Variants in P2RX3 observed in about 807,000 individuals in gnomAD.
The protein encoded by P2RX3 is purinergic receptor P2X 3.
P2RX3 carries 41 observed loss-of-function variants against 51.5 expected under a neutral mutation model. The observed-to-expected ratio is 0.80, with a 90% CI of 0.62 to 1.03. The LOEUF (loss-of-function observed/expected upper bound fraction) is 1.03. P2RX3 is among the 50% of genes least tolerant of loss of function. The probability of loss-of-function intolerance (pLI) is 0.00; values close to 1 mark genes in which losing one functional copy is unlikely to be tolerated. For missense variants in P2RX3, 459 were observed against 522.1 expected (o/e 0.88, Z 1.18); for synonymous variants, 185 against 191.6 (o/e 0.97, Z 0.29).
intron 6 of P2RX3, among the ~76,000 whole-genome samples, chr11:57,349,317 T>C (rs1337169761): frequency 7.0e-6 from 1 of 143,328 alleles, no homozygotes; most frequent in East Asian, 2.0e-4. Flanking sequence ...AAAAAAAAAA[T>C]TAGCCAGGCG....
chr11:57,341,394 C>A (rs1213047704), intron 1 of P2RX3, among the ~76,000 whole-genome samples: 1 of 152,178 alleles, frequency 6.6e-6, no homozygotes, highest in Non-Finnish European at 1.5e-5. Context: ...TCTCTGAGAA[C>A]TTCTCAGCAA....
rs1285284514 is a variant in P2RX3 at position 57,347,455 on chromosome 11, G to A, written c.368G>A (p.Gly123Glu). 1.9e-6 allele frequency: 3 copies of A among 1,558,530 alleles called. No homozygotes were observed. Among genetic ancestry groups the A allele is most frequent in the Non-Finnish European group, 2.6e-6 (3 of 1,150,812 alleles). The part of the protein sequence containing the change: ...KYRCVSDSQC[G>E]PERLPGGGIL... Reference sequence around the variant, plus strand: ...CGCTGTGTATCAGACAGCCAGTGCGGGCCTGAGCGCTTGCCAGGTGGGGGT... The same window carrying A: ...CGCTGTGTATCAGACAGCCAGTGCGAGCCTGAGCGCTTGCCAGGTGGGGGT... Residue 123 changes from glycine to glutamate, a missense_variant, in exon 4 of 12, where the codon GGG (glycine) becomes GAG (glutamate). By Grantham distance (98) the Gly-to-Glu change is moderately conservative. Coordinates refer to ENST00000263314, the MANE Select transcript of P2RX3 (RefSeq NM_002559.5).
chr11:57,360,009 T>A (rs942370448), intron 8 of P2RX3, among the ~76,000 whole-genome samples: 4 of 152,184 alleles, frequency 2.6e-5, no homozygotes, highest in Admixed American at 6.5e-5. Context: ...GAGAGGTAAT[T>A]CACCCAAGGT....
intron 8 of P2RX3, 92 bp downstream of exon 8, chr11:57,350,990 C>G (rs1856537963): frequency 1.3e-6 from 2 of 1,561,464 alleles, no homozygotes; most frequent in South Asian, 2.3e-5. Flanking sequence ...CATCCATCCA[C>G]CCACCCCTGG....
At chr11:57,346,706 T>A (rs1329134764) in intron 2 of P2RX3, 27 bp downstream of exon 2, 1 of 1,611,154 alleles carries the variant, frequency 6.2e-7, no homozygotes, top group East Asian at 2.2e-5. Flanking sequence ...CAGAGAGGCA[T>A]GTGGATGTCC....
At chr11:57,365,054 C>T (rs776463236) in intron 8 of P2RX3, among the ~76,000 whole-genome samples, 72 of 152,306 alleles carry the variant, frequency 4.7e-4, no homozygotes, top group Non-Finnish European at 5.1e-4. Flanking sequence ...CACTCAGGCA[C>T]ACCAGCTCTG....
chr11:57,347,573 T>C, intron 4 of P2RX3, 95 bp downstream of exon 4: 1 of 1,307,086 alleles, frequency 7.7e-7, no homozygotes, highest in Non-Finnish European at 1.1e-6. Flanking sequence ...AACCAGCCTG[T>C]TCCATGTCAT....
At chr11:57,355,577 G>A (rs1856616998) in intron 8 of P2RX3, among the ~76,000 whole-genome samples, 1 of 152,144 alleles carries the variant, frequency 6.6e-6, no homozygotes, top group Non-Finnish European at 1.5e-5. Flanking sequence ...CTAACTTCAA[G>A]TAATCCACCC....
rs763293962 is a variant in P2RX3, at chr11:57,368,335, G to A, written c.937-37G>A. 13 of 1,611,784 alleles carry A rather than the reference G, an allele frequency of 8.1e-6. No homozygotes were observed. The Admixed American group carries it at 1.8e-4, about 23-fold the overall frequency. Reference sequence around the variant, plus strand: ...CTCGGGCCTCACCCCCATCCCATGGGCCCTCTGCCCACTTGCCTTGGTCTT... The same window carrying A: ...CTCGGGCCTCACCCCCATCCCATGGACCCTCTGCCCACTTGCCTTGGTCTT... On this transcript the variant is annotated intron_variant, in intron 9 of 11. Transcript: ENST00000263314.
At chr11:57,343,953 G>C (rs1856387157) in intron 1 of P2RX3, among the ~76,000 whole-genome samples, 2 of 152,158 alleles carry the variant, frequency 1.3e-5, no homozygotes, top group South Asian at 4.1e-4. Flanking sequence ...TCTTCTTCAA[G>C]GACGTAATTT....
rs750662490 is a variant in P2RX3 at position 57,372,300 on chromosome 11, G to A, written c.*2303G>A. On this transcript the variant is annotated 3_prime_UTR_variant, in exon 12 of 12. Coordinates refer to ENST00000263314, the MANE Select transcript of P2RX3 (RefSeq NM_002559.5). Reference sequence around the variant, plus strand: ...AACACTGATTACTTACTATTGGCAGGCAATGGACCAAATGAGTGACAGGGA... The same window carrying A: ...AACACTGATTACTTACTATTGGCAGACAATGGACCAAATGAGTGACAGGGA... Among the ~76,000 whole-genome samples, 1 of 152,142 alleles carries A rather than the reference G, an allele frequency of 6.6e-6. No homozygotes were observed. The highest frequency in any genetic ancestry group is 1.5e-5 in the Non-Finnish European group (1 of 68,032).
upstream of P2RX3, among the ~76,000 whole-genome samples, chr11:57,337,601 T>C (rs1377773760): frequency 6.6e-6 from 1 of 152,090 alleles, no homozygotes; most frequent in Non-Finnish European, 1.5e-5. Context: ...TTCTCACTCA[T>C]AGGTGGGAAT....
At chr11:57,348,963 A>T (rs1160807019) in intron 6 of P2RX3, among the ~76,000 whole-genome samples, 1 of 152,148 alleles carries the variant, frequency 6.6e-6, no homozygotes, top group Non-Finnish European at 1.5e-5. Flanking sequence ...GGGGTAGGAG[A>T]GGGACAACTT....
intron 7 of P2RX3, 56 bp from the exon 8 acceptor site, chr11:57,350,706 C>T: frequency 6.2e-7 from 1 of 1,602,640 alleles, no homozygotes; most frequent in South Asian, 1.1e-5. Context: ...CCACCCTGGC[C>T]CAGAGCAGGG....
chr11:57,347,543 G>A (rs976845563), intron 4 of P2RX3, 65 bp downstream of exon 4: 153 of 1,513,958 alleles, frequency 1.0e-4, no homozygotes, highest in South Asian at 3.7e-4. Context: ...GGGAGAGCCC[G>A]TCGTTGGAGA....
Sources: allele counts gnomAD v4.1 joint callset (sites outside exome capture counted in the v4.1 genomes callset), GRCh38; gene constraint gnomAD v4.1.1; transcripts MANE v1.5; gene names NCBI Gene and HGNC (gene_info 2026-07-23, HGNC 2026-07-21).